SYT1: variants seen among roughly 807,000 people sequenced by gnomAD.
SYT1 encodes the protein synaptotagmin-1.
SYT1 carries 8 observed loss-of-function variants against 44.8 expected under a neutral mutation model. The observed-to-expected ratio is 0.18, with a 90% confidence interval of 0.10 to 0.32. The LOEUF (loss-of-function observed/expected upper bound fraction) is 0.32. Ranked by LOEUF, SYT1 falls within the 10% of genes least tolerant of loss-of-function variation. The pLI is 1.00. For missense variants in SYT1, 286 were observed against 509.3 expected (o/e 0.56, Z 4.22); for synonymous variants, 154 against 188.8 (o/e 0.82, Z 1.51).
intron 3 of SYT1, among the ~76,000 whole-genome samples, chr12:79,188,745 T>TC (rs903374815): frequency 1.3e-5 from 2 of 152,020 alleles, no homozygotes; most frequent in Non-Finnish European, 2.9e-5. Flanking sequence ...TTTGCTTTTT[T>TC]CCCCCCACAA....
intron 9 of SYT1, among the ~76,000 whole-genome samples, chr12:79,357,761 G>T (rs917416021): frequency 2.0e-5 from 3 of 152,120 alleles, no homozygotes; most frequent in Non-Finnish European, 1.5e-5. Context: ...TGCCTTATAC[G>T]TGGAGACAAT....
chr12:79,129,891 G>A (rs140563012), intron 3 of SYT1, among the ~76,000 whole-genome samples: 1 of 152,170 alleles, frequency 6.6e-6, no homozygotes, highest in East Asian at 1.9e-4. Context: ...ATTCAAATAT[G>A]GGTATATTAT....
At chr12:78,923,714 T>TGTGA (rs1435090721) in intron 1 of SYT1, among the ~76,000 whole-genome samples, 6 of 150,926 alleles carry the variant, frequency 4.0e-5, no homozygotes, top group Admixed American at 6.7e-5. Flanking sequence ...TCTCTCTGTG[T>TGTGA]GTGTGTATAT....
In SYT1 at chr12:79,450,750, A is replaced by G. The variant is rs1871011221; in HGVS notation, c.*1626A>G. 1 of 152,636 alleles carries G rather than the reference A, an allele frequency of 6.6e-6. No individual in the cohort carries two copies. The highest frequency in any genetic ancestry group is 2.1e-4 in the South Asian group (1 of 4,834). The allele number at this position is 152,636 out of a possible 1,614,324, so 9.5% of individuals were successfully genotyped here. On this transcript the variant is annotated 3_prime_UTR_variant, in exon 11 of 11. Transcript: ENST00000261205. ...AGGACCAATTCAGAACTGAAAAGCT[A>G]TGCATAGGACAAGGAAGATACATAG...
chr12:79,020,771 G>T (rs115547639), intron 2 of SYT1, among the ~76,000 whole-genome samples: 25 of 151,986 alleles, frequency 1.6e-4, no homozygotes, highest in African/African-American at 6.0e-4. Flanking sequence ...TGTTTAAATA[G>T]CATTTACTCT....
At chr12:79,301,997 T>C (rs1187287810) in intron 8 of SYT1, among the ~76,000 whole-genome samples, 1 of 152,186 alleles carries the variant, frequency 6.6e-6, no homozygotes, top group Non-Finnish European at 1.5e-5. Context: ...ACTTGCATTT[T>C]ATATCTGAAG....
At chr12:79,138,885 G>A (rs1869373212) in intron 3 of SYT1, among the ~76,000 whole-genome samples, 1 of 152,138 alleles carries the variant, frequency 6.6e-6, no homozygotes, top group African/African-American at 2.4e-5. Flanking sequence ...ATTTAAGGTG[G>A]TAAGAAAAAA....
intron 1 of SYT1, among the ~76,000 whole-genome samples, chr12:78,940,324 C>A (rs1878281614): frequency 6.6e-6 from 1 of 152,096 alleles, no homozygotes; most frequent in Admixed American, 6.6e-5. Flanking sequence ...CTTAATGCTC[C>A]TTTTTGTTAT....
intron 2 of SYT1, among the ~76,000 whole-genome samples, chr12:79,032,397 A>G (rs985971525): frequency 5.3e-5 from 8 of 151,228 alleles, no homozygotes; most frequent in African/African-American, 1.9e-4. Context: ...TCTTTTTTAC[A>G]CCACACAACT....
At chr12:79,366,894 C>CTGTGTGTGTGTGTGTGTGTGTGTG (rs3995413) in intron 9 of SYT1, among the ~76,000 whole-genome samples, 1 of 117,424 alleles carries the variant, frequency 8.5e-6, no homozygotes. Flanking sequence ...ATAAATAATA[C>CTGTGTGTGTGTGTGTGTGTGTGTG]TGTGTGTGTG....
intron 9 of SYT1, among the ~76,000 whole-genome samples, chr12:79,435,103 C>G (rs1870010829): frequency 6.6e-6 from 1 of 152,110 alleles, no homozygotes; most frequent in Non-Finnish European, 1.5e-5. Flanking sequence ...TGGATGTAGA[C>G]TGTCTTTTCC....
At chr12:79,398,271 T>C (rs1884945167) in intron 9 of SYT1, among the ~76,000 whole-genome samples, 1 of 152,210 alleles carries the variant, frequency 6.6e-6, no homozygotes, top group Non-Finnish European at 1.5e-5. Context: ...GAAGACAGAA[T>C]ACTAAGGGCC....
At chr12:78,958,500 G>A (rs1436097422) in intron 1 of SYT1, among the ~76,000 whole-genome samples, 1 of 151,938 alleles carries the variant, frequency 6.6e-6, no homozygotes, top group East Asian at 1.9e-4. Context: ...TTGGAGACCA[G>A]CCTGGCCAAC....
At position 79,285,976 on chromosome 12, in the gene SYT1, T is replaced by G. The variant is rs751611352; in HGVS notation, c.351+5T>G. The G allele has an allele frequency of 7.5e-6, 12 of 1,593,650 alleles. No individual in the cohort carries two copies. Among genetic ancestry groups the G allele is most frequent in the Non-Finnish European group, 1.0e-5 (12 of 1,175,220 alleles). On this transcript the variant is annotated splice_donor_5th_base_variant and intron_variant, in intron 5 of 10. Coordinates refer to ENST00000261205, the MANE Select transcript of SYT1 (RefSeq NM_005639.3). Reference sequence around the variant, plus strand: ...GGGAAGACGATGAAAGATCAGGTAATGTATTCTTTCTACATTTCTTCTTAT... The same window carrying G: ...GGGAAGACGATGAAAGATCAGGTAAGGTATTCTTTCTACATTTCTTCTTAT...
chr12:79,092,790 C>G (rs1185492059), intron 3 of SYT1, among the ~76,000 whole-genome samples: 1 of 151,682 alleles, frequency 6.6e-6, no homozygotes, highest in Middle Eastern at 3.2e-3. Context: ...GGGGCTATAA[C>G]TGACTGCAAG....
chr12:78,931,219 GA>G (rs1877646869), intron 1 of SYT1, among the ~76,000 whole-genome samples: 9 of 57,480 alleles, frequency 1.6e-4, no homozygotes, highest in East Asian at 1.6e-3. Flanking sequence ...AAGAAAGAAA[GA>G]AAGAAAGAAA....
intron 8 of SYT1, among the ~76,000 whole-genome samples, chr12:79,306,611 G>C (rs909792983): frequency 3.9e-5 from 6 of 152,146 alleles, no homozygotes; most frequent in African/African-American, 1.4e-4. Flanking sequence ...TTCTCATTAG[G>C]AGATATAAAT....
chr12:78,867,405 A>G (rs529163481), intron 1 of SYT1, among the ~76,000 whole-genome samples: 1 of 152,244 alleles, frequency 6.6e-6, no homozygotes, highest in Non-Finnish European at 1.5e-5. Context: ...AAAATTCAAT[A>G]TCTGTGTATT....
Position 78,970,658 on chromosome 12 carries a change from G to A in SYT1, c.-216-7141G>A, listed in dbSNP as rs185428320. The stretch of plus-strand genomic sequence containing the variant: ...TTCCTATTATCTTCTTCAGAGGATA[G>A]CAAAGATGTGATAAATAATCTGCTA... On this transcript the variant is annotated intron_variant, in intron 1 of 10. Transcript: ENST00000261205. Among the ~76,000 whole-genome samples the A allele has an allele frequency of 1.8e-4, 27 of 152,240 alleles. No individual in the cohort carries two copies. In the Middle Eastern group the frequency reaches 0.014, roughly 77 times the overall value.
Sources: gnomAD v4.1 joint callset for allele counts (sites outside exome capture counted in the v4.1 genomes callset) on GRCh38, gnomAD v4.1.1 for gene constraint, MANE v1.5 for transcripts, NCBI Gene and HGNC (gene_info 2026-07-23, HGNC 2026-07-21) for gene names.